Variants in STX7 observed in about 807,000 individuals in gnomAD.
The protein encoded by STX7 is syntaxin-7.
In STX7, 34 loss-of-function variants were observed where a neutral mutation model predicts 39.6. That is an observed-to-expected ratio of 0.86 (90% CI 0.65 to 1.14). The LOEUF is 1.14. STX7 is among the 50% of genes most tolerant of loss of function. The pLI is 0.00. For synonymous variants in STX7, 119 were observed against 99.1 expected (o/e 1.20, Z -1.19); for missense variants, 284 against 310.4 (o/e 0.92, Z 0.64).
intron 2 of STX7, among the ~76,000 whole-genome samples, chr6:132,486,262 G>T (rs912504885): frequency 2.6e-5 from 4 of 152,100 alleles, no homozygotes; most frequent in Admixed American, 6.5e-5. Context: ...AAGTGGTGAG[G>T]GCAAGACATC....
intron 4 of STX7, 46 bp downstream of exon 4, chr6:132,472,236 T>G: frequency 6.7e-7 from 1 of 1,498,112 alleles, no homozygotes; most frequent in South Asian, 1.2e-5. Flanking sequence ...TGCACTGGGT[T>G]TTTTTCACAT....
chr6:132,488,703 A>T (rs1252655056), intron 2 of STX7, among the ~76,000 whole-genome samples: 2 of 152,226 alleles, frequency 1.3e-5, no homozygotes, highest in African/African-American at 2.4e-5. Context: ...TTGACAAAAG[A>T]TAGTTATAGC....
chr6:132,507,544 A>G (rs1775735821), intron 1 of STX7, among the ~76,000 whole-genome samples: 1 of 152,346 alleles, frequency 6.6e-6, no homozygotes, highest in Middle Eastern at 3.4e-3. Flanking sequence ...TGGACATTTC[A>G]TAGGAATGGA....
chr6:132,473,831 G>A (rs547897250), intron 3 of STX7, among the ~76,000 whole-genome samples: 1 of 152,136 alleles, frequency 6.6e-6, no homozygotes, highest in African/African-American at 2.4e-5. Context: ...GTATTTGACT[G>A]ACAAAGGGTA....
chr6:132,484,544 A>G (rs1482183870), intron 2 of STX7, among the ~76,000 whole-genome samples: 3 of 152,194 alleles, frequency 2.0e-5, no homozygotes, highest in African/African-American at 7.2e-5. Flanking sequence ...ACACACACAG[A>G]GTACCTTTAA....
intron 2 of STX7, among the ~76,000 whole-genome samples, chr6:132,488,960 G>C (rs903426623): frequency 6.6e-6 from 1 of 152,052 alleles, no homozygotes; most frequent in Admixed American, 6.5e-5. Flanking sequence ...CCAGCACTTT[G>C]GGAGGCCAAG....
At chr6:132,510,175 T>C (rs184501903) in intron 1 of STX7, among the ~76,000 whole-genome samples, 1 of 152,294 alleles carries the variant, frequency 6.6e-6, no homozygotes, top group Non-Finnish European at 1.5e-5. Context: ...CCCTAAAAGG[T>C]GACTACAATT....
rs182180820 is a variant in STX7, at chr6:132,483,754, C to T, written c.86-8092G>A. ...GATATGTGGTTCACAGGATCTTCTG[C>T]GACACCCCAATTGACCATGTTCAAA... On this transcript the variant is annotated intron_variant, in intron 2 of 9. Coordinates refer to ENST00000367941, the MANE Select transcript of STX7 (RefSeq NM_003569.3). Among the ~76,000 whole-genome samples the T allele has an allele frequency of 3.1e-3, 476 of 152,176 alleles. 3 individuals carry two copies. Among genetic ancestry groups the T allele is most frequent in the African/African-American group, 0.01 (428 of 41,508 alleles).
rs984630518 is a variant in STX7, at chr6:132,454,616, G to A, written c.*6142C>T. On this transcript the variant is annotated 3_prime_UTR_variant, in exon 10 of 10. Transcript: ENST00000367941. ...CATACCATTCCAAAGGAAAGTATTG[G>A]TCACATACTCCATTCTAGATTTAAA... 2.6e-5 allele frequency: 4 copies of A among 152,124 alleles called. No individual in the cohort carries two copies. Among genetic ancestry groups the A allele is most frequent in the Middle Eastern group, 6.8e-3 (2 of 294 alleles). The allele number at this position is 152,124 out of a possible 1,614,324, so 9.4% of individuals were successfully genotyped here.
chr6:132,505,461 C>A (rs9402414), intron 1 of STX7, among the ~76,000 whole-genome samples: 2 of 152,158 alleles, frequency 1.3e-5, no homozygotes, highest in Admixed American at 1.3e-4. Context: ...TTTAGATATT[C>A]TCCAACTTCC....
At chr6:132,500,091 G>A (rs1159166755) in intron 2 of STX7, among the ~76,000 whole-genome samples, 2 of 152,136 alleles carry the variant, frequency 1.3e-5, no homozygotes, top group Non-Finnish European at 2.9e-5. Flanking sequence ...CCTGGTGCAA[G>A]CCAGCATCCG....
chr6:132,483,627 C>A (rs1775062631), intron 2 of STX7, among the ~76,000 whole-genome samples: 1 of 152,234 alleles, frequency 6.6e-6, no homozygotes, highest in South Asian at 2.1e-4. Context: ...ATTTTTATAG[C>A]ATATTTGCTG....
intron 1 of STX7, among the ~76,000 whole-genome samples, 172 bp from the exon 2 acceptor site, chr6:132,503,760 C>A (rs1361474534): frequency 2.7e-5 from 4 of 150,052 alleles, no homozygotes; most frequent in South Asian, 2.1e-4. Flanking sequence ...AAAAAAAAAA[C>A]TGGACTTCAA....
At chr6:132,473,794 TAAG>T (rs1774799974) in intron 3 of STX7, among the ~76,000 whole-genome samples, 2 of 152,268 alleles carry the variant, frequency 1.3e-5, no homozygotes, top group Non-Finnish European at 2.9e-5. Flanking sequence ...AGATATTGTA[TAAG>T]AATATGCTTA....
rs1774253975 is a variant in STX7 at position 132,456,735 on chromosome 6, G to C, written c.*4023C>G. On this transcript the variant is annotated 3_prime_UTR_variant, in exon 10 of 10. Coordinates refer to ENST00000367941, the MANE Select transcript of STX7 (RefSeq NM_003569.3). ...CTGAGGCTTCCACTTCACGTGGTTT[G>C]AACTGTACATCTCAGTGTTTGTTTC... 1 of 152,216 alleles carries C rather than the reference G, an allele frequency of 6.6e-6. No homozygotes were observed. The highest frequency in any genetic ancestry group is 1.5e-5 in the Non-Finnish European group (1 of 68,044). 9.4% of individuals were successfully genotyped at this position (152,216 alleles called of 1,614,324 possible). A position where few individuals can be genotyped will look rare whatever the true frequency, so the allele number is the denominator to read the frequency against.
intron 2 of STX7, among the ~76,000 whole-genome samples, chr6:132,476,882 G>C (rs149694956): frequency 6.6e-6 from 1 of 151,908 alleles, no homozygotes; most frequent in African/African-American, 2.4e-5. Context: ...TAAATAAAAC[G>C]TCAAGTAGAA....
intron 8 of STX7, 65 bp downstream of exon 8, chr6:132,468,338 A>C: frequency 7.9e-7 from 1 of 1,258,324 alleles, no homozygotes; most frequent in South Asian, 1.2e-5. Context: ...TCTGTGAGAA[A>C]GTTACAGCAG....
At chr6:132,474,865 T>A (rs1392841746) in intron 3 of STX7, among the ~76,000 whole-genome samples, 1 of 152,172 alleles carries the variant, frequency 6.6e-6, no homozygotes, top group Non-Finnish European at 1.5e-5. Context: ...AACTTTTTTT[T>A]AAACGGAAGC....
intron 9 of STX7, among the ~76,000 whole-genome samples, chr6:132,463,673 A>G (rs1223938553): frequency 1.3e-5 from 2 of 152,156 alleles, no homozygotes; most frequent in Non-Finnish European, 2.9e-5. Context: ...GCCTATCACA[A>G]AAAGGTTTCT....
Sources: gnomAD v4.1 joint callset for allele counts (sites outside exome capture counted in the v4.1 genomes callset) on GRCh38, gnomAD v4.1.1 for gene constraint, MANE v1.5 for transcripts, NCBI Gene and HGNC (gene_info 2026-07-23, HGNC 2026-07-21) for gene names.